The following RBFOX1 variants were observed in gnomAD, a reference collection of about 807,000 sequenced individuals.
RBFOX1 encodes the protein RNA binding protein fox-1 homolog 1.
In RBFOX1, 8 loss-of-function variants were observed where a neutral mutation model predicts 57.7. That is an observed-to-expected ratio of 0.14 (90% CI 0.08 to 0.25). The LOEUF (loss-of-function observed/expected upper bound fraction) is 0.25, where lower values mean the gene tolerates loss of function less well. Ranked by LOEUF, RBFOX1 falls within the 10% of genes least tolerant of loss-of-function variation. The probability of loss-of-function intolerance (pLI) is 1.00; values close to 1 mark genes in which losing one functional copy is unlikely to be tolerated. For missense variants in RBFOX1, 611 were observed against 548.5 expected (o/e 1.11, Z -1.14); for synonymous variants, 326 against 222.4 (o/e 1.47, Z -4.15).
intron 4 of RBFOX1, among the ~76,000 whole-genome samples, chr16:7,387,370 G>A (rs552056139): frequency 1.3e-5 from 2 of 152,258 alleles, no homozygotes; most frequent in South Asian, 4.2e-4. Context: ...ATAAAGAGAG[G>A]ATGTGGATTC....
chr16:5,317,201 C>G (rs1195959677), intron 1 of RBFOX1, among the ~76,000 whole-genome samples: 2 of 152,150 alleles, frequency 1.3e-5, no homozygotes, highest in African/African-American at 2.4e-5. Flanking sequence ...TTTCTTCTCT[C>G]TCTCTCTCTC....
chr16:6,817,810 T>G (rs1190043951), intron 3 of RBFOX1, among the ~76,000 whole-genome samples: 1 of 152,186 alleles, frequency 6.6e-6, no homozygotes, highest in African/African-American at 2.4e-5. Flanking sequence ...CCTTATTAAC[T>G]ATAACTCAAG....
chr16:5,893,930 C>A (rs2058101009), intron 4 of RBFOX1, among the ~76,000 whole-genome samples: 4 of 152,074 alleles, frequency 2.6e-5, no homozygotes, highest in Admixed American at 2.6e-4. Context: ...CACCCACAGC[C>A]ATGTCCGTCA....
chr16:6,679,991 A>G (rs572899375), intron 3 of RBFOX1, among the ~76,000 whole-genome samples: 5 of 146,664 alleles, frequency 3.4e-5, no homozygotes, highest in Admixed American at 2.1e-4. Flanking sequence ...GCAAGACAGG[A>G]TGGTTGAAAT....
intron 2 of RBFOX1, among the ~76,000 whole-genome samples, chr16:6,534,917 A>T (rs2096714547): frequency 6.6e-6 from 1 of 152,194 alleles, no homozygotes; most frequent in African/African-American, 2.4e-5. Flanking sequence ...AAGCCTGGTC[A>T]TATGTGCGCA....
intron 2 of RBFOX1, among the ~76,000 whole-genome samples, chr16:5,589,646 T>G (rs2046942367): frequency 6.6e-6 from 1 of 152,220 alleles, no homozygotes. Context: ...TTCTCCAGGA[T>G]GTGTAACCTT....
chr16:5,491,096 C>T (rs979248328), intron 2 of RBFOX1, among the ~76,000 whole-genome samples: 8 of 152,162 alleles, frequency 5.3e-5, no homozygotes, highest in African/African-American at 1.9e-4. Context: ...TCATTATAAT[C>T]TTACGGGACC....
chr16:5,722,056 C>A (rs567949632), intron 3 of RBFOX1, among the ~76,000 whole-genome samples: 1 of 152,158 alleles, frequency 6.6e-6, no homozygotes, highest in Non-Finnish European at 1.5e-5. Flanking sequence ...AATCATAAAT[C>A]CGAAGTATTG....
At chr16:6,252,693 G>A (rs1409143274) in intron 1 of RBFOX1, among the ~76,000 whole-genome samples, 5 of 152,164 alleles carry the variant, frequency 3.3e-5, no homozygotes, top group Non-Finnish European at 7.3e-5. Context: ...GGACAACAGT[G>A]GCTTTGTAAA....
intron 3 of RBFOX1, among the ~76,000 whole-genome samples, chr16:7,007,107 A>T (rs1302070032): frequency 1.3e-5 from 2 of 152,180 alleles, no homozygotes; most frequent in Admixed American, 6.5e-5. Context: ...GGCTGTATGG[A>T]CTGATAAGGA....
At chr16:6,354,184 C>T (rs1340437388) in intron 2 of RBFOX1, among the ~76,000 whole-genome samples, 1 of 152,082 alleles carries the variant, frequency 6.6e-6, no homozygotes, top group Non-Finnish European at 1.5e-5. Flanking sequence ...CATGCTAGTG[C>T]ACCCCAGCCT....
chr16:6,249,574 T>C lies in RBFOX1; in HGVS notation c.-126-67421T>C, dbSNP rs1381621850. Among the ~76,000 whole-genome samples, 3 of 151,910 alleles carry C rather than the reference T, an allele frequency of 2.0e-5. No homozygotes were observed. The East Asian group carries it at 5.8e-4, about 30-fold the overall frequency. ...AAAACCAGAGGAGAGACTGGTATTT[T>C]AGAGGACCTGAAAGCAGCCAGCATA... On this transcript the variant is annotated intron_variant, in intron 1 of 15. Transcript: ENST00000550418.
intron 4 of RBFOX1, among the ~76,000 whole-genome samples, chr16:7,444,480 A>G (rs1244007065): frequency 2.0e-5 from 3 of 152,214 alleles, no homozygotes; most frequent in East Asian, 1.9e-4. Flanking sequence ...AGGCAGCTTT[A>G]TAAATAATAA....
chr16:5,669,104 T>C (rs1018437252), intron 3 of RBFOX1, among the ~76,000 whole-genome samples: 1 of 152,206 alleles, frequency 6.6e-6, no homozygotes, highest in Non-Finnish European at 1.5e-5. Context: ...CCAAGTTGAA[T>C]AGACCCAAAA....
At chr16:5,549,525 G>A (rs930055840) in intron 2 of RBFOX1, among the ~76,000 whole-genome samples, 2 of 152,160 alleles carry the variant, frequency 1.3e-5, no homozygotes, top group Non-Finnish European at 1.5e-5. Context: ...TACGATAAAG[G>A]GGAAGATGAT....
At chr16:7,041,579 G>A (rs558903962) in intron 3 of RBFOX1, among the ~76,000 whole-genome samples, 8 of 152,100 alleles carry the variant, frequency 5.3e-5, no homozygotes, top group Non-Finnish European at 8.8e-5. Context: ...AAAGGAAATG[G>A]AAGTTCTACA....
chr16:7,150,612 T>A (rs1244375211), intron 4 of RBFOX1, among the ~76,000 whole-genome samples: 1 of 152,220 alleles, frequency 6.6e-6, no homozygotes, highest in East Asian at 1.9e-4. Flanking sequence ...TTTTCTTCTC[T>A]ATTGACAACT....
intron 3 of RBFOX1, among the ~76,000 whole-genome samples, chr16:5,794,520 G>GTT (rs1351152377): frequency 6.6e-6 from 1 of 152,136 alleles, no homozygotes; most frequent in African/African-American, 2.4e-5. Context: ...GCGTGTGTGT[G>GTT]TGTGTGTGTG....
intron 3 of RBFOX1, among the ~76,000 whole-genome samples, chr16:5,744,236 C>T (rs544395516): frequency 1.3e-5 from 2 of 152,184 alleles, no homozygotes. Context: ...CTCAAACATT[C>T]TCTGTTTCTT....
Sources: gnomAD v4.1 joint callset for allele counts (sites outside exome capture counted in the v4.1 genomes callset) on GRCh38, gnomAD v4.1.1 for gene constraint, MANE v1.5 for transcripts, NCBI Gene and HGNC (gene_info 2026-07-23, HGNC 2026-07-21) for gene names.